Variants in UNC79 observed in about 807,000 individuals in gnomAD.
UNC79 encodes the protein unc-79 subunit of NALCN channel complex, also known as protein unc-79 homolog.
In UNC79, 37 loss-of-function variants were observed where a neutral mutation model predicts 283.1. That is an observed-to-expected ratio of 0.13 (90% CI 0.10 to 0.17). The LOEUF (loss-of-function observed/expected upper bound fraction) is 0.17. Ranked by LOEUF, UNC79 falls within the 10% of genes least tolerant of loss-of-function variation. The pLI, the probability that UNC79 is intolerant of heterozygous loss-of-function variation, is 1.00. For missense variants in UNC79, 2,272 were observed against 3,211.1 expected (o/e 0.71, Z 7.07); for synonymous variants, 1,107 against 1,200.2 (o/e 0.92, Z 1.61).
At chr14:93,618,246 A>G in exon 29 of UNC79, 1 of 1,614,050 alleles carries the variant, frequency 6.2e-7, no homozygotes. Context: ...GATTCACATA[A>G]CAGTCAATAC....
rs778400296 is a variant in UNC79, at chr14:93,641,265, T to G, written c.5903+18T>G. ...ACGGACAAGTAAGCTCGCACAGTTATTTTCTTCACCATGTTTACAGAATTT... is the reference window on the plus strand; with the variant it reads ...ACGGACAAGTAAGCTCGCACAGTTAGTTTCTTCACCATGTTTACAGAATTT... On this transcript the variant is annotated intron_variant, in intron 33 of 48. Coordinates refer to ENST00000555664, the Ensembl canonical transcript of UNC79. 8 of 1,603,558 alleles carry G rather than the reference T, an allele frequency of 5.0e-6. No homozygotes were observed. The highest frequency in any genetic ancestry group is 6.8e-6 in the Non-Finnish European group (8 of 1,172,892).
chr14:93,518,781 TC>T (rs2060190155), intron 7 of UNC79, among the ~76,000 whole-genome samples: 1 of 151,972 alleles, frequency 6.6e-6, no homozygotes, highest in African/African-American at 2.4e-5. Flanking sequence ...TAAAGTTTCT[TC>T]TTTCATTCAT....
At chr14:93,623,193 C>T (rs2067274206) in intron 30 of UNC79, among the ~76,000 whole-genome samples, 1 of 152,140 alleles carries the variant, frequency 6.6e-6, no homozygotes, top group Non-Finnish European at 1.5e-5. Flanking sequence ...TCTTTGCTTT[C>T]TTTTTTTCTC....
intron 40 of UNC79, among the ~76,000 whole-genome samples, chr14:93,664,858 A>G (rs1438366789): frequency 1.3e-5 from 2 of 152,132 alleles, no homozygotes; most frequent in African/African-American, 4.8e-5. Flanking sequence ...CTCTGGAGGA[A>G]TATATCTCCA....
At chr14:93,560,141 G>GAATAAAAGA (rs1490287115) in intron 14 of UNC79, among the ~76,000 whole-genome samples, 361 of 152,182 alleles carry the variant, frequency 2.4e-3, no homozygotes, top group African/African-American at 8.3e-3. Context: ...TACAAGGTTT[G>GAATAAAAGA]AATAAAAGAA....
At chr14:93,352,212 C>T (rs528937598) in intron 1 of UNC79, among the ~76,000 whole-genome samples, 11 of 152,306 alleles carry the variant, frequency 7.2e-5, no homozygotes, top group South Asian at 6.2e-4. Flanking sequence ...GAACTCCCAT[C>T]GGGACACAGG....
At chr14:93,669,308 G>T (rs879823555) in intron 40 of UNC79, among the ~76,000 whole-genome samples, 3 of 152,144 alleles carry the variant, frequency 2.0e-5, no homozygotes, top group Non-Finnish European at 4.4e-5. Flanking sequence ...ATAGAGAAGG[G>T]TTATGAGGCT....
At chr14:93,637,382 G>A in intron 32 of UNC79, 83 bp downstream of exon 35, 1 of 1,569,468 alleles carries the variant, frequency 6.4e-7, no homozygotes, top group Non-Finnish European at 8.6e-7. Context: ...GCAGGTGCAG[G>A]CTTTTTCTTA....
chr14:93,414,172 A>C (rs1424414134), intron 1 of UNC79, among the ~76,000 whole-genome samples: 1 of 151,882 alleles, frequency 6.6e-6, no homozygotes, highest in Admixed American at 6.6e-5. Flanking sequence ...TCTAACGTTT[A>C]AGTCTTTAAT....
intron 22 of UNC79, among the ~76,000 whole-genome samples, chr14:93,592,547 G>A (rs567279581): frequency 6.6e-6 from 1 of 151,976 alleles, no homozygotes. Context: ...TAAAATTGTT[G>A]CAAATCTCCT....
rs186483172 is a variant in UNC79 at position 93,689,042 on chromosome 14, C to A, written c.7085+202C>A. The A allele has an allele frequency of 6.1e-5, 32 of 523,078 alleles. No homozygotes were observed. In the East Asian group the frequency reaches 9.7e-4, roughly 16 times the overall value. 32.4% of individuals were successfully genotyped at this position (523,078 alleles called of 1,614,324 possible). A position where few individuals can be genotyped will look rare whatever the true frequency, so the allele number is the denominator to read the frequency against. The stretch of plus-strand genomic sequence containing the variant: ...CTTTGACATGCTGCCAAAAAATAAA[C>A]CTGTCCTCCCACAAAAACCTCAATT... On this transcript the variant is annotated intron_variant, in intron 44 of 48. Transcript: ENST00000555664.
chr14:93,557,622 T>G (rs1237077364), intron 14 of UNC79, among the ~76,000 whole-genome samples: 2 of 151,932 alleles, frequency 1.3e-5, no homozygotes, highest in Non-Finnish European at 2.9e-5. Context: ...ACCTAAACAT[T>G]TCCGCCCTCT....
At chr14:93,594,018 G>A (rs1312596009) in intron 23 of UNC79, among the ~76,000 whole-genome samples, 181 bp downstream of exon 23, 1 of 152,136 alleles carries the variant, frequency 6.6e-6, no homozygotes, top group Non-Finnish European at 1.5e-5. Flanking sequence ...ATTTTGCAGA[G>A]TGGTCCTTAG....
chr14:93,673,538 T>G, intron 41 of UNC79, 83 bp downstream of exon 44: 1 of 1,036,450 alleles, frequency 9.6e-7, no homozygotes, highest in South Asian at 1.5e-5. Flanking sequence ...AGTGTATGCA[T>G]AGAACTAAAT....
intron 1 of UNC79, among the ~76,000 whole-genome samples, chr14:93,408,527 TGC>T (rs2055271163): frequency 6.6e-6 from 1 of 152,048 alleles, no homozygotes; most frequent in Non-Finnish European, 1.5e-5. Context: ...ACCCTGTCTC[TGC>T]AAAAAATAAA....
At chr14:93,342,442 A>C (rs1319823652) in intron 1 of UNC79, among the ~76,000 whole-genome samples, 4 of 152,050 alleles carry the variant, frequency 2.6e-5, no homozygotes, top group African/African-American at 9.7e-5. Flanking sequence ...CCATGAAGCC[A>C]TTTTTCCTTC....
chr14:93,475,363 C>G (rs1265741047), intron 3 of UNC79, among the ~76,000 whole-genome samples: 1 of 152,098 alleles, frequency 6.6e-6, no homozygotes, highest in African/African-American at 2.4e-5. Flanking sequence ...ATGGCTAACT[C>G]CCCTAAGAGA....
intron 22 of UNC79, among the ~76,000 whole-genome samples, chr14:93,593,418 A>G (rs1211663070): frequency 6.6e-6 from 1 of 152,224 alleles, no homozygotes; most frequent in Non-Finnish European, 1.5e-5. Flanking sequence ...ATTTATTTAT[A>G]TTGCTGAATT....
chr14:93,453,371 A>T (rs937365423), intron 1 of UNC79, among the ~76,000 whole-genome samples: 2 of 152,218 alleles, frequency 1.3e-5, no homozygotes, highest in African/African-American at 2.4e-5. Context: ...CCCCGAAATT[A>T]TTTGATTTTC....
Sources: allele counts gnomAD v4.1 joint callset (sites outside exome capture counted in the v4.1 genomes callset), GRCh38; gene constraint gnomAD v4.1.1; transcripts MANE v1.5; gene names NCBI Gene and HGNC (gene_info 2026-07-23, HGNC 2026-07-21).